ARHGAP8: variants seen among roughly 807,000 people sequenced by gnomAD.
The protein encoded by ARHGAP8 is rho GTPase-activating protein 8.
In ARHGAP8, 62 loss-of-function variants were observed where a neutral mutation model predicts 46.1. That is an observed-to-expected ratio of 1.34 (90% CI 1.10 to 1.66). ARHGAP8 has a LOEUF of 1.66. Ranked by LOEUF, ARHGAP8 falls within the 40% of genes most tolerant of loss-of-function variation. The pLI is 0.00. For synonymous variants in ARHGAP8, 375 were observed against 243.1 expected (o/e 1.54, Z -5.05); for missense variants, 923 against 568.4 (o/e 1.62, Z -6.34).
chr22:44,827,010 C>T (rs943150577), intron 7 of ARHGAP8, among the ~76,000 whole-genome samples: 1 of 152,130 alleles, frequency 6.6e-6, no homozygotes, highest in African/African-American at 2.4e-5. Flanking sequence ...GGTCACCTTA[C>T]ATGGCAAAAG....
intron 7 of ARHGAP8, among the ~76,000 whole-genome samples, chr22:44,843,321 G>T (rs994940865): frequency 7.2e-5 from 11 of 152,202 alleles, no homozygotes. Context: ...AATGTTAAGG[G>T]AAGCTCTGCA....
In ARHGAP8 at chr22:44,859,846, A is replaced by AG; in HGVS notation, c.981+18dup. 2 of 1,612,496 alleles carry AG rather than the reference A, an allele frequency of 1.2e-6. No individual in the cohort carries two copies. The highest frequency in any genetic ancestry group is 1.7e-6 in the Non-Finnish European group (2 of 1,179,338). Reference sequence around the variant, plus strand: ...GCTTCCTGCATGCGGTGAGTGGGGAAGGGGGGAGCTTGGGGTGAAGCCCAG... The same window carrying AG: ...GCTTCCTGCATGCGGTGAGTGGGGAAGGGGGGGAGCTTGGGGTGAAGCCCAG... On this transcript the variant is annotated intron_variant, in intron 11 of 11. Coordinates refer to ENST00000356099, the MANE Select transcript of ARHGAP8 (RefSeq NM_181335.3).
At chr22:44,838,347 A>G (rs941897034) in intron 7 of ARHGAP8, among the ~76,000 whole-genome samples, 1 of 152,184 alleles carries the variant, frequency 6.6e-6, no homozygotes, top group Non-Finnish European at 1.5e-5. Flanking sequence ...CATGTTGGTC[A>G]GGCTGGTCTC....
Position 44,752,617 on chromosome 22 carries a change from T to A in ARHGAP8, c.-82T>A, listed in dbSNP as rs1333861498. ...GGCACGCAGGTGGGGGCCGGCGGGG[T>A]CCGTGGCCAGGTAAGGCGGGCGGCG... On this transcript the variant is annotated 5_prime_UTR_variant, in exon 1 of 12. Transcript: ENST00000356099. The A allele has an allele frequency of 1.5e-5, 2 of 135,724 alleles. No individual in the cohort carries two copies. The highest frequency in any genetic ancestry group is 5.0e-4 in the East Asian group (2 of 3,978). 8.4% of individuals were successfully genotyped at this position (135,724 alleles called of 1,614,324 possible). A position where few individuals can be genotyped will look rare whatever the true frequency, so the allele number is the denominator to read the frequency against.
At position 44,760,670 on chromosome 22, in the gene ARHGAP8, T is replaced by G. The variant is rs1925062834; in HGVS notation, c.-72+8043T>G. ...GTAGCTACAGCATTAAGATAATTGC[T>G]GTGAGGGTCTATTTGTGTAATGTGC... On this transcript the variant is annotated intron_variant, in intron 1 of 11. Coordinates refer to ENST00000356099, the MANE Select transcript of ARHGAP8 (RefSeq NM_181335.3). Among the ~76,000 whole-genome samples, 3 of 152,328 alleles carry G rather than the reference T, an allele frequency of 2.0e-5. No homozygotes were observed. The South Asian group carries it at 6.2e-4, about 32-fold the overall frequency.
chr22:44,858,590 C>T (rs1278172518), intron 10 of ARHGAP8, among the ~76,000 whole-genome samples: 40 of 131,636 alleles, frequency 3.0e-4, no homozygotes, highest in Admixed American at 7.9e-4. Context: ...AGGCTGGTCT[C>T]GCACTCCTGA....
chr22:44,849,431 C>T (rs1011541705), intron 10 of ARHGAP8: 1 of 270,808 alleles, frequency 3.7e-6, no homozygotes, highest in South Asian at 4.7e-5. Context: ...CTAGAAAGGG[C>T]TCTCGGCATT....
Position 44,802,169 on chromosome 22 carries a change from G to A in ARHGAP8, c.167+5G>A, listed in dbSNP as rs1928607092. 6.2e-7 allele frequency: 1 copy of A among 1,613,886 alleles called. No individual in the cohort carries two copies. The highest frequency in any genetic ancestry group is 1.3e-5 in the African/African-American group (1 of 74,938). ...GGACCACCAGCGGCTGCTGGAGTAAGTGTTCTGCCCCCTCTCTTTCTGTCC... is the reference window on the plus strand; with the variant it reads ...GGACCACCAGCGGCTGCTGGAGTAAATGTTCTGCCCCCTCTCTTTCTGTCC... On this transcript the variant is annotated splice_donor_5th_base_variant and intron_variant, in intron 3 of 11. Coordinates refer to ENST00000356099, the MANE Select transcript of ARHGAP8 (RefSeq NM_181335.3).
intron 5 of ARHGAP8, among the ~76,000 whole-genome samples, chr22:44,822,118 G>A (rs1569162810): frequency 6.6e-6 from 1 of 152,164 alleles, no homozygotes; most frequent in African/African-American, 2.4e-5. Flanking sequence ...GTAAATTGGA[G>A]GCAGATATTT....
chr22:44,821,501 A>G (rs1465097119), intron 5 of ARHGAP8, among the ~76,000 whole-genome samples: 3 of 152,336 alleles, frequency 2.0e-5, no homozygotes, highest in Non-Finnish European at 4.4e-5. Context: ...TAAAACTCAA[A>G]TGATATATTT....
chr22:44,820,233 C>T (rs1040946861), intron 5 of ARHGAP8, among the ~76,000 whole-genome samples: 4 of 152,176 alleles, frequency 2.6e-5, no homozygotes, highest in African/African-American at 9.7e-5. Context: ...AGGCAAGTGG[C>T]AGGGCCCTGG....
At chr22:44,849,310 A>G in intron 10 of ARHGAP8, 1 of 568,322 alleles carries the variant, frequency 1.8e-6, no homozygotes, top group Non-Finnish European at 3.0e-6. Flanking sequence ...TCTCAGGCAC[A>G]GCTGGGCCAG....
chr22:44,862,662 A>T lies in ARHGAP8; in HGVS notation c.*67A>T. 6.7e-7 allele frequency: 1 copy of T among 1,487,074 alleles called. No homozygotes were observed. The highest frequency in any genetic ancestry group is 8.9e-7 in the Non-Finnish European group (1 of 1,118,114). 92.1% of individuals were successfully genotyped at this position (1,487,074 alleles called of 1,614,324 possible). On this transcript the variant is annotated 3_prime_UTR_variant, in exon 12 of 12. Transcript: ENST00000356099. ...TGTCTGTGCACTTGTATGTTTTGTA[A>T]ACTTGGCATCTGTAAAAATAACCAG...
intron 1 of ARHGAP8, among the ~76,000 whole-genome samples, chr22:44,765,634 GA>G (rs1925496717): frequency 6.6e-6 from 1 of 152,128 alleles, no homozygotes. Flanking sequence ...TGCCTGTCAT[GA>G]GGTTTGAGTG....
intron 5 of ARHGAP8, among the ~76,000 whole-genome samples, chr22:44,820,215 G>A (rs1043354483): frequency 6.6e-5 from 10 of 152,318 alleles, no homozygotes; most frequent in Admixed American, 1.3e-4. Flanking sequence ...GCCCTTTCCC[G>A]AGAGGAGAGG....
At chr22:44,759,560 G>A (rs1030464089) in intron 1 of ARHGAP8, among the ~76,000 whole-genome samples, 1 of 152,208 alleles carries the variant, frequency 6.6e-6, no homozygotes. Context: ...TTCTCTGTGG[G>A]CTGCTGGGTC....
chr22:44,812,055 C>T (rs1228330400), intron 4 of ARHGAP8, among the ~76,000 whole-genome samples: 3 of 152,162 alleles, frequency 2.0e-5, no homozygotes, highest in Admixed American at 2.0e-4. Flanking sequence ...TGCCACACCC[C>T]ATCAGGTTTC....
At chr22:44,815,850 G>A (rs1006163284) in intron 5 of ARHGAP8, among the ~76,000 whole-genome samples, 5 of 149,706 alleles carry the variant, frequency 3.3e-5, no homozygotes, top group South Asian at 2.1e-4. Flanking sequence ...GCCACATGAC[G>A]GGGGTGGGGT....
In ARHGAP8 at chr22:44,862,327, T is replaced by G. The variant is rs774882983; in HGVS notation, c.1034T>G (p.Val345Gly). 1.9e-6 allele frequency: 3 copies of G among 1,613,848 alleles called. No individual in the cohort carries two copies. The highest frequency in any genetic ancestry group is 1.1e-5 in the South Asian group (1 of 91,028). The part of the protein sequence containing the change: ...NKMNSSNLAC[V>G]FGLNLIWPSQ... ...ATGAACAGCTCTAACCTGGCCTGTG[T>G]CTTCGGGCTGAATTTGATCTGGCCA... The change falls in exon 12 of 12, where the codon GTC becomes GGC. Residue 345 changes from valine to glycine, a missense_variant. Physicochemically the swap from Val to Gly is moderately radical, Grantham distance 109. Coordinates refer to ENST00000356099, the MANE Select transcript of ARHGAP8 (RefSeq NM_181335.3).
Sources: gnomAD v4.1 joint callset for allele counts (sites outside exome capture counted in the v4.1 genomes callset) on GRCh38, gnomAD v4.1.1 for gene constraint, MANE v1.5 for transcripts, NCBI Gene and HGNC (gene_info 2026-07-23, HGNC 2026-07-21) for gene names.